STPG2: variants seen among roughly 807,000 people sequenced by gnomAD.
STPG2 encodes the protein sperm tail PG-rich repeat containing 2.
A neutral mutation model predicts 54.2 loss-of-function variants in STPG2; 56 were observed. The ratio of observed to expected loss-of-function variants is 1.03; its 90% CI spans 0.83 to 1.29. The LOEUF is 1.29. STPG2 is among the 50% of genes most tolerant of loss of function. STPG2 has a pLI of 0.00. For missense variants in STPG2, 596 were observed against 544.9 expected (o/e 1.09, Z -0.93); for synonymous variants, 200 against 181.8 (o/e 1.10, Z -0.81).
chr4:97,929,936 TATCA>T, intron 8 of STPG2, among the ~76,000 whole-genome samples: 1 of 152,028 alleles, frequency 6.6e-6, no homozygotes, highest in African/African-American at 2.4e-5. Flanking sequence ...AGTTTTACCC[TATCA>T]CCAGGCTGGA....
intron 4 of STPG2, among the ~76,000 whole-genome samples, chr4:97,460,336 G>C (rs1729631958): frequency 6.6e-6 from 1 of 151,592 alleles, no homozygotes; most frequent in Admixed American, 6.6e-5. Flanking sequence ...TTTTGCTTTG[G>C]TTCTTATCTA....
At chr4:98,100,448 T>C (rs112526379) in intron 5 of STPG2, among the ~76,000 whole-genome samples, 1,790 of 152,086 alleles carry the variant, frequency 0.012, 29 homozygotes, top group African/African-American at 0.041. Flanking sequence ...AAATCTGAAA[T>C]CTTGAGAAAC....
At chr4:97,712,406 C>A (rs960707803) in intron 10 of STPG2, among the ~76,000 whole-genome samples, 1 of 151,846 alleles carries the variant, frequency 6.6e-6, no homozygotes, top group Admixed American at 6.6e-5. Flanking sequence ...TGAATACAAA[C>A]AAGTATGTAA....
chr4:97,871,355 T>C lies in STPG2; in HGVS notation c.1045-30423A>G, dbSNP rs1333391218. ...ATCTAATTTTAAAAGATCAAAATCC[T>C]GGTTCTTTGAAAGAATTAACAAAAT... On this transcript the variant is annotated intron_variant, in intron 8 of 10. Coordinates refer to ENST00000295268, the MANE Select transcript of STPG2 (RefSeq NM_174952.3). Among the ~76,000 whole-genome samples, 3 of 150,968 alleles carry C rather than the reference T, an allele frequency of 2.0e-5. No individual in the cohort carries two copies. In the East Asian group the frequency reaches 5.8e-4, roughly 29 times the overall value.
intron 5 of STPG2, among the ~76,000 whole-genome samples, chr4:98,012,945 T>C (rs995740721): frequency 3.9e-5 from 6 of 152,346 alleles, no homozygotes; most frequent in African/African-American, 1.2e-4. Context: ...TCTTTAATTC[T>C]TTCTCTTGCC....
intron 4 of STPG2, among the ~76,000 whole-genome samples, chr4:97,493,447 G>C (rs1730543616): frequency 6.6e-6 from 1 of 151,280 alleles, no homozygotes; most frequent in Admixed American, 6.6e-5. Flanking sequence ...AGTGGGAACA[G>C]GTCTAAAGTT....
At chr4:97,788,910 GTAAA>G (rs1726907962) in intron 9 of STPG2, among the ~76,000 whole-genome samples, 1 of 151,892 alleles carries the variant, frequency 6.6e-6, no homozygotes. Context: ...TGTCTTGAAC[GTAAA>G]TAAAGAATTA....
chr4:97,971,679 A>G (rs914443678), intron 7 of STPG2, among the ~76,000 whole-genome samples: 1 of 152,154 alleles, frequency 6.6e-6, no homozygotes, highest in African/African-American at 2.4e-5. Flanking sequence ...GGATAACATT[A>G]GGAGAAATAC....
chr4:97,806,960 A>G (rs2149094206), intron 9 of STPG2, among the ~76,000 whole-genome samples: 1 of 152,284 alleles, frequency 6.6e-6, no homozygotes, highest in South Asian at 2.1e-4. Flanking sequence ...GCTAATTCAC[A>G]TTAAAGAAGC....
intron 10 of STPG2, among the ~76,000 whole-genome samples, chr4:97,696,124 G>A (rs1020574101): frequency 6.6e-6 from 1 of 152,054 alleles, no homozygotes. Context: ...TATACTATAA[G>A]GCCATAGTCA....
At chr4:97,636,172 T>G (rs949279584) in intron 10 of STPG2, among the ~76,000 whole-genome samples, 4 of 147,000 alleles carry the variant, frequency 2.7e-5, no homozygotes, top group Non-Finnish European at 6.0e-5. Flanking sequence ...AAACTAGAAC[T>G]CAGGATTAAG....
At chr4:97,651,608 AC>A (rs1213894892) in intron 10 of STPG2, among the ~76,000 whole-genome samples, 1 of 152,032 alleles carries the variant, frequency 6.6e-6, no homozygotes, top group Non-Finnish European at 1.5e-5. Context: ...TACATTTCAG[AC>A]TTTGTTACAA....
intron 8 of STPG2, among the ~76,000 whole-genome samples, chr4:97,934,751 G>C (rs1270326062): frequency 2.0e-5 from 3 of 151,824 alleles, no homozygotes; most frequent in Non-Finnish European, 2.9e-5. Flanking sequence ...TGCTGGTTTT[G>C]GTTTGCCAAT....
At chr4:97,648,162 A>T (rs1721964271) in intron 10 of STPG2, among the ~76,000 whole-genome samples, 1 of 152,124 alleles carries the variant, frequency 6.6e-6, no homozygotes, top group Non-Finnish European at 1.5e-5. Flanking sequence ...GCTTGCAACA[A>T]TGGCACTTTT....
intron 10 of STPG2, among the ~76,000 whole-genome samples, chr4:97,593,651 A>G (rs1281039627): frequency 1.3e-5 from 2 of 152,042 alleles, no homozygotes; most frequent in East Asian, 3.9e-4. Flanking sequence ...CACCCCAGCC[A>G]ATGCCCCTGT....
intron 10 of STPG2, among the ~76,000 whole-genome samples, chr4:97,693,730 A>T (rs1269940791): frequency 2.0e-5 from 3 of 152,230 alleles, no homozygotes; most frequent in Admixed American, 1.3e-4. Flanking sequence ...TCATTAGCAC[A>T]TGGAACATTC....
intron 8 of STPG2, among the ~76,000 whole-genome samples, chr4:97,886,316 T>C (rs1001789762): frequency 2.6e-5 from 4 of 152,190 alleles, no homozygotes; most frequent in African/African-American, 9.7e-5. Context: ...TTTTCAACAG[T>C]AATGCTTTAT....
At chr4:97,951,937 A>G (rs2149240682) in intron 7 of STPG2, among the ~76,000 whole-genome samples, 1 of 152,228 alleles carries the variant, frequency 6.6e-6, no homozygotes, top group South Asian at 2.1e-4. Flanking sequence ...AGAAGCTCTC[A>G]GAGAAGTACA....
chr4:97,613,040 T>C (rs1039450218), intron 10 of STPG2, among the ~76,000 whole-genome samples: 1 of 152,128 alleles, frequency 6.6e-6, no homozygotes, highest in African/African-American at 2.4e-5. Flanking sequence ...GTTTGATCTA[T>C]TACTTCTCCT....
Sources: allele counts gnomAD v4.1 joint callset (sites outside exome capture counted in the v4.1 genomes callset), GRCh38; gene constraint gnomAD v4.1.1; transcripts MANE v1.5; gene names NCBI Gene and HGNC (gene_info 2026-07-23, HGNC 2026-07-21).